The following RANBP2 variants were observed in gnomAD, a reference collection of about 807,000 sequenced individuals.
The protein encoded by RANBP2 is RAN binding protein 2.
In RANBP2, 57 loss-of-function variants were observed where a neutral mutation model predicts 303.6. The observed-to-expected ratio is 0.19, with a 90% CI of 0.15 to 0.23. The LOEUF (loss-of-function observed/expected upper bound fraction) is 0.23, where lower values mean the gene tolerates loss of function less well. Ranked by LOEUF, RANBP2 falls within the 10% of genes least tolerant of loss-of-function variation. RANBP2 has a pLI of 1.00. For missense variants in RANBP2, 3,138 were observed against 3,780.8 expected, an observed-to-expected ratio of 0.83 and a Z score of 4.46; for synonymous variants, 1,167 against 1,301.5, an observed-to-expected ratio of 0.90 and a Z score of 2.23.
chr2:109,106,934 C>CTT, the RANBP2 span, among the ~76,000 whole-genome samples: 308 of 133,750 alleles, frequency 2.3e-3, 4 homozygotes, highest in African/African-American at 5.2e-3. Context: ...GGGCCTTCTC[C>CTT]TTTTTTTTTT....
chr2:108,993,619 TC>T, the RANBP2 span, among the ~76,000 whole-genome samples: 1 of 152,034 alleles, frequency 6.6e-6, no homozygotes, highest in African/African-American at 2.4e-5. Context: ...TGATCTGTCC[TC>T]CCCCAGCATA....
the RANBP2 span, among the ~76,000 whole-genome samples, chr2:109,018,129 A>G: frequency 2.6e-5 from 4 of 152,220 alleles, no homozygotes; most frequent in African/African-American, 9.6e-5. Context: ...GAATGAACAA[A>G]GACAGAGTCG....
chr2:109,290,438 A>G, the RANBP2 span, among the ~76,000 whole-genome samples: 1 of 152,188 alleles, frequency 6.6e-6, no homozygotes, highest in Non-Finnish European at 1.5e-5. Context: ...ACATATATGC[A>G]TGCACCAGAT....
In RANBP2 at chr2:108,766,596, G is replaced by T; in HGVS notation, c.6057G>T (p.Met2019Ile). ...TCCATTTTGAACCAGTAGTTCAAATGCCCGAAAAAGTAGAACTTGTAACAG... is the reference window on the plus strand; with the variant it reads ...TCCATTTTGAACCAGTAGTTCAAATTCCCGAAAAAGTAGAACTTGTAACAG... ...DDIHFEPVVQ[M>I]PEKVELVTGE... The change falls in exon 20 of 29, where the codon ATG becomes ATT. Residue 2019 changes from methionine (M) to isoleucine (I), a missense_variant. Met to Ile is a conservative substitution (Grantham distance 10). Coordinates refer to ENST00000283195, the MANE Select transcript of RANBP2 (RefSeq NM_006267.5). 1 of 1,611,924 alleles carries T rather than the reference G, an allele frequency of 6.2e-7. No individual in the cohort carries two copies. The highest frequency in any genetic ancestry group is 8.5e-7 in the Non-Finnish European group (1 of 1,179,828).
the RANBP2 span, among the ~76,000 whole-genome samples, chr2:108,889,380 T>C: frequency 2.6e-5 from 4 of 152,254 alleles, no homozygotes; most frequent in African/African-American, 9.6e-5. Flanking sequence ...TAATGCTGAG[T>C]GGGAGAGATG....
At chr2:109,112,284 T>C in the RANBP2 span, among the ~76,000 whole-genome samples, 1 of 152,288 alleles carries the variant, frequency 6.6e-6, no homozygotes, top group East Asian at 1.9e-4. Context: ...CCACATCCTC[T>C]CCAGCACCTG....
chr2:109,637,808 A>G, the RANBP2 span, among the ~76,000 whole-genome samples: 1 of 152,140 alleles, frequency 6.6e-6, no homozygotes, highest in Non-Finnish European at 1.5e-5. Flanking sequence ...TTCCCTTTCT[A>G]GATAGACACA....
intron 23 of RANBP2, 117 bp from the exon 24 acceptor site, chr2:108,775,615 G>A: frequency 9.7e-7 from 1 of 1,033,748 alleles, no homozygotes; most frequent in East Asian, 2.5e-5. Context: ...GGTGAAGTGT[G>A]TTTATTCTAT....
At chr2:109,082,617 CAA>C in the RANBP2 span, among the ~76,000 whole-genome samples, 1 of 151,864 alleles carries the variant, frequency 6.6e-6, no homozygotes, top group East Asian at 2.0e-4. Flanking sequence ...CTTTTTAAAA[CAA>C]AAAGTTTTTA....
At chr2:108,938,890 C>T in the RANBP2 span, among the ~76,000 whole-genome samples, 1 of 148,602 alleles carries the variant, frequency 6.7e-6, no homozygotes, top group Non-Finnish European at 1.5e-5. Flanking sequence ...AGCAATTCTC[C>T]TGCCTCAGCC....
At chr2:109,262,731 CACTT>C in the RANBP2 span, among the ~76,000 whole-genome samples, 1 of 152,210 alleles carries the variant, frequency 6.6e-6, no homozygotes, top group African/African-American at 2.4e-5. Flanking sequence ...GCTTTGTTCT[CACTT>C]ACCTCCTTGG....
chr2:109,465,075 G>A, the RANBP2 span, among the ~76,000 whole-genome samples: 2 of 152,146 alleles, frequency 1.3e-5, no homozygotes, highest in Non-Finnish European at 2.9e-5. Context: ...ACACAATGTT[G>A]TAGCCTTTTT....
At chr2:109,178,096 TTC>T in the RANBP2 span, among the ~76,000 whole-genome samples, 1 of 152,226 alleles carries the variant, frequency 6.6e-6, no homozygotes, top group African/African-American at 2.4e-5. Flanking sequence ...TAAAAATATT[TTC>T]TCTTTCTATA....
the RANBP2 span, among the ~76,000 whole-genome samples, chr2:109,299,479 C>T: frequency 2.6e-4 from 39 of 151,952 alleles, no homozygotes; most frequent in East Asian, 7.0e-3. Context: ...CCTTTTGAAG[C>T]AGGGAGACCT....
chr2:108,998,803 G>A, the RANBP2 span, among the ~76,000 whole-genome samples: 2 of 150,836 alleles, frequency 1.3e-5, no homozygotes, highest in Non-Finnish European at 1.5e-5. Context: ...ACTTATCTGT[G>A]TGGCCCAAGT....
chr2:109,398,493 A>G, the RANBP2 span: 3 of 1,097,908 alleles, frequency 2.7e-6, no homozygotes, highest in Non-Finnish European at 3.8e-6. Context: ...ATGCATTGCC[A>G]GTTTGTGAAT....
the RANBP2 span, chr2:108,894,433 C>G: frequency 3.3e-5 from 5 of 152,566 alleles, no homozygotes; most frequent in East Asian, 7.7e-4. Context: ...CCCACCACCC[C>G]AAATACAAAG....
the RANBP2 span, among the ~76,000 whole-genome samples, chr2:108,877,595 A>G: frequency 0.046 from 3,183 of 68,774 alleles, 112 homozygotes; most frequent in East Asian, 0.27. Flanking sequence ...AACTCAGAGT[A>G]TATAGAGATA....
At chr2:108,989,616 C>T in the RANBP2 span, among the ~76,000 whole-genome samples, 1 of 152,166 alleles carries the variant, frequency 6.6e-6, no homozygotes, top group East Asian at 1.9e-4. Context: ...CCGCACATCC[C>T]TCAGGGTTTG....
Sources: allele counts gnomAD v4.1 joint callset (sites outside exome capture counted in the v4.1 genomes callset), GRCh38; gene constraint gnomAD v4.1.1; transcripts MANE v1.5; gene names NCBI Gene and HGNC (gene_info 2026-07-23, HGNC 2026-07-21).